DSE: variants seen among roughly 807,000 people sequenced by gnomAD.
The protein encoded by DSE is dermatan sulfate epimerase.
Under a neutral mutation model 84.4 loss-of-function variants are expected in DSE, and 36 were observed. The observed-to-expected ratio is 0.43, with a 90% confidence interval of 0.33 to 0.56. DSE has a LOEUF of 0.56. DSE is among the 20% of genes least tolerant of loss of function. DSE has a pLI of 0.06. For missense variants in DSE, 862 were observed against 1,169.6 expected (o/e 0.74, Z 3.84); for synonymous variants, 410 against 430.1 (o/e 0.95, Z 0.58).
At chr6:116,268,633 C>T (rs773198302) in intron 2 of DSE, among the ~76,000 whole-genome samples, 1 of 152,172 alleles carries the variant, frequency 6.6e-6, no homozygotes, top group African/African-American at 2.4e-5. Context: ...CCCTATTCAT[C>T]GTAATAACCA....
At chr6:116,370,849 G>A, upstream of DSE, 1 of 985,708 alleles carries the variant, frequency 1.0e-6, no homozygotes, top group East Asian at 1.1e-4. Flanking sequence ...TGGTGACGTT[G>A]CGGTTTCCTC....
chr6:116,410,607 G>A (rs1476520612), intron 2 of DSE, among the ~76,000 whole-genome samples: 10 of 151,714 alleles, frequency 6.6e-5, no homozygotes, highest in African/African-American at 1.2e-4. Flanking sequence ...GGTGACACAC[G>A]CCTGTAGTCC....
chr6:116,303,195 T>A (rs967894836), intron 2 of DSE, among the ~76,000 whole-genome samples: 1 of 152,046 alleles, frequency 6.6e-6, no homozygotes, highest in Non-Finnish European at 1.5e-5. Flanking sequence ...CCTCCACCCC[T>A]CCCCTCAACT....
intron 1 of DSE, among the ~76,000 whole-genome samples, chr6:116,376,884 T>G (rs573420581): frequency 2.4e-4 from 36 of 152,248 alleles, no homozygotes; most frequent in Non-Finnish European, 7.3e-5. Flanking sequence ...TGTAGATTAT[T>G]TATGTTCATC....
At chr6:116,255,777 C>T (rs1204594097) in intron 1 of DSE, 1 of 152,156 alleles carries the variant, frequency 6.6e-6, no homozygotes, top group African/African-American at 2.4e-5. Flanking sequence ...TGAAGAGAAG[C>T]AGGGAATACT....
chr6:116,370,626 C>A, upstream of DSE: 1 of 736,860 alleles, frequency 1.4e-6, no homozygotes, highest in Non-Finnish European at 1.7e-6. Context: ...GCGTTTGAGT[C>A]CTAAGAAACT....
At chr6:116,260,751 ATTGT>A (rs780123298) in intron 2 of DSE, among the ~76,000 whole-genome samples, 26 of 152,078 alleles carry the variant, frequency 1.7e-4, no homozygotes, top group Non-Finnish European at 2.8e-4. Context: ...TCCTTTCCTC[ATTGT>A]TTGTTTTTGT....
intron 2 of DSE, among the ~76,000 whole-genome samples, chr6:116,417,578 C>G (rs1782796460): frequency 6.6e-6 from 1 of 151,958 alleles, no homozygotes; most frequent in Non-Finnish European, 1.5e-5. Flanking sequence ...ATTGAATTCA[C>G]AGCATTAAAA....
chr6:116,324,514 A>T (rs1006169018), intron 2 of DSE, among the ~76,000 whole-genome samples: 1 of 152,212 alleles, frequency 6.6e-6, no homozygotes, highest in South Asian at 2.1e-4. Flanking sequence ...TCATCAACAC[A>T]AAGGACAGGG....
rs1582965565 is a variant in DSE, at chr6:116,297,592, G to T, written c.-54+38625G>T. Among the ~76,000 whole-genome samples, 4 of 152,304 alleles carry T rather than the reference G, an allele frequency of 2.6e-5. 1 individual carries two copies. Among genetic ancestry groups the T allele is most frequent in the Admixed American group, 2.6e-4 (4 of 15,296 alleles). The stretch of plus-strand genomic sequence containing the variant: ...AATAGTTAGTGGTTTGGGATTATTT[G>T]ATTTGTTAGACATACTACAAGAAGA... On this transcript the variant is annotated intron_variant, in intron 2 of 3. Transcript: ENST00000430252.
In DSE at chr6:116,429,816, A is replaced by G. The variant is rs538526658; in HGVS notation, c.671-1138A>G. Among the ~76,000 whole-genome samples, 18 of 66,148 alleles carry G rather than the reference A, an allele frequency of 2.7e-4. 6 individuals are homozygous for G. Among genetic ancestry groups the G allele is most frequent in the South Asian group, 6.6e-4 (2 of 3,012 alleles). 43.4% of individuals were successfully genotyped at this position (66,148 alleles called of 152,430 possible). Reference sequence around the variant, plus strand: ...ACAAAAAAAAAATTAGCCGGGCGTGATGGCGGGCGCCTGCAGTCCCAGCTA... The same window carrying G: ...ACAAAAAAAAAATTAGCCGGGCGTGGTGGCGGGCGCCTGCAGTCCCAGCTA... On this transcript the variant is annotated intron_variant, in intron 3 of 5. Transcript: ENST00000644252.
At chr6:116,424,686 G>GA (rs1783315968) in intron 2 of DSE, among the ~76,000 whole-genome samples, 1 of 152,120 alleles carries the variant, frequency 6.6e-6, no homozygotes. Flanking sequence ...TCTAGGAGGG[G>GA]AAACATATAC....
chr6:116,408,965 G>A (rs1397973802), intron 2 of DSE, among the ~76,000 whole-genome samples: 1 of 152,228 alleles, frequency 6.6e-6, no homozygotes, highest in East Asian at 1.9e-4. Flanking sequence ...TTGGAATTAA[G>A]AGCAAGGACT....
At chr6:116,305,928 C>T (rs928135405) in intron 2 of DSE, among the ~76,000 whole-genome samples, 8 of 152,104 alleles carry the variant, frequency 5.3e-5, no homozygotes, top group African/African-American at 1.9e-4. Flanking sequence ...AAGTGTGAGC[C>T]ACCGTGCCTG....
At chr6:116,433,573 T>C (rs1416025195) in intron 5 of DSE, 23 bp downstream of exon 5, 1 of 1,584,230 alleles carries the variant, frequency 6.3e-7, no homozygotes, top group South Asian at 1.2e-5. Context: ...GGGCTAGCTT[T>C]AAAGAGAAAT....
At chr6:116,261,583 ACTTT>A (rs1487916883) in intron 2 of DSE, among the ~76,000 whole-genome samples, 1 of 151,956 alleles carries the variant, frequency 6.6e-6, no homozygotes, top group Non-Finnish European at 1.5e-5. Flanking sequence ...CTTTGGATGC[ACTTT>A]CTTTCTTTCT....
chr6:116,437,033 A>C lies in DSE; in HGVS notation c.2565A>C (p.Glu855Asp). ...AACTACCCATAGATGAAGATGAAGA[A>C]ATGAAAGACCTTTTAGATTTTGCAG... Reference protein sequence around the residue: ...QKELPIDEDEEMKDLLDFADV... With the variant: ...QKELPIDEDEDMKDLLDFADV... The change falls in exon 6 of 6, where the codon GAA (glutamate) becomes GAC (aspartate). Residue 855 changes from glutamate to aspartate, a missense_variant. Transcript: ENST00000644252. The C allele has an allele frequency of 6.2e-7, 1 of 1,614,102 alleles. No individual in the cohort carries two copies. Among genetic ancestry groups the C allele is most frequent in the Non-Finnish European group, 8.5e-7 (1 of 1,180,006 alleles).
At chr6:116,322,858 A>G (rs573762104) in intron 2 of DSE, among the ~76,000 whole-genome samples, 1 of 152,300 alleles carries the variant, frequency 6.6e-6, no homozygotes, top group East Asian at 1.9e-4. Context: ...ACTGCAGAAT[A>G]ATGTTTCAGA....
intron 2 of DSE, among the ~76,000 whole-genome samples, chr6:116,409,968 G>T (rs1240062141): frequency 6.6e-6 from 1 of 152,166 alleles, no homozygotes; most frequent in Non-Finnish European, 1.5e-5. Context: ...TGAAAATTTA[G>T]TGTAGGGAGG....
Sources: allele counts gnomAD v4.1 joint callset (sites outside exome capture counted in the v4.1 genomes callset), GRCh38; gene constraint gnomAD v4.1.1; transcripts MANE v1.5; gene names NCBI Gene and HGNC (gene_info 2026-07-23, HGNC 2026-07-21).